Variants in OCA2 observed in about 807,000 individuals in gnomAD.
The protein encoded by OCA2 is OCA2 melanosomal transmembrane protein, also known as P protein.
In OCA2, 77 loss-of-function variants were observed where a neutral mutation model predicts 100.2. The ratio of observed to expected loss-of-function variants is 0.77; its 90% CI spans 0.64 to 0.93. OCA2 has a LOEUF of 0.93. Ranked by LOEUF, OCA2 falls within the 40% of genes least tolerant of loss-of-function variation. The probability of loss-of-function intolerance (pLI) is 0.00; values close to 1 mark genes in which losing one functional copy is unlikely to be tolerated. For missense variants in OCA2, 1,062 were observed against 1,089.1 expected (o/e 0.98, Z 0.35); for synonymous variants, 432 against 439.2 (o/e 0.98, Z 0.21).
intron 18 of OCA2, among the ~76,000 whole-genome samples, chr15:27,934,219 C>T (rs906827007): frequency 6.6e-6 from 1 of 152,088 alleles, no homozygotes; most frequent in African/African-American, 2.4e-5. Context: ...ATGTGAAGGG[C>T]AGACCATGTT....
At chr15:27,967,152 C>T (rs1346270104) in intron 14 of OCA2, among the ~76,000 whole-genome samples, 3 of 151,968 alleles carry the variant, frequency 2.0e-5, no homozygotes, top group Admixed American at 2.0e-4. Context: ...CAAAAAGAAA[C>T]GGAAGACGGG....
chr15:27,966,724 T>C lies in OCA2; in HGVS notation c.1602A>G (p.Arg534=), dbSNP rs751837471. The C allele has an allele frequency of 6.2e-7, 1 of 1,614,058 alleles. No homozygotes were observed. ...CACTGGGTTCCTTGTTATAAAGCTT[T>C]CTGTTCCAGTAAAGGAGTCTGAGGA... is the stretch of plus-strand genomic sequence containing the variant. ...FPLLRLLYWN[R]KLYNKEPSEI... The change falls in exon 15 of 24, where the codon AGA becomes AGG. Residue 534 remains arginine (R), a synonymous_variant. Coordinates refer to ENST00000354638, the MANE Select transcript of OCA2 (RefSeq NM_000275.3).
At chr15:27,896,551 T>G (rs994763105) in intron 19 of OCA2, 1 of 403,922 alleles carries the variant, frequency 2.5e-6, no homozygotes, top group African/African-American at 2.1e-5. Context: ...GCAAGCTTCC[T>G]CAGAGCTCAG....
chr15:27,869,198 G>A (rs757795309), intron 21 of OCA2, among the ~76,000 whole-genome samples: 2 of 152,344 alleles, frequency 1.3e-5, no homozygotes, highest in South Asian at 2.1e-4. Flanking sequence ...CCCTGTGGCT[G>A]CTGTGGTCAT....
chr15:27,828,231 G>A (rs1479928946), intron 23 of OCA2, among the ~76,000 whole-genome samples: 1 of 152,140 alleles, frequency 6.6e-6, no homozygotes, highest in Non-Finnish European at 1.5e-5. Flanking sequence ...GCCCTCTTTG[G>A]AAGGGCTCGC....
intron 21 of OCA2, among the ~76,000 whole-genome samples, chr15:27,860,336 C>T (rs1595530321): frequency 1.3e-5 from 2 of 152,180 alleles, no homozygotes; most frequent in South Asian, 4.1e-4. Flanking sequence ...AGCACACCTG[C>T]AGGTTTGTTA....
intron 1 of OCA2, among the ~76,000 whole-genome samples, chr15:28,082,833 GAATAT>G (rs2044693222): frequency 6.6e-6 from 1 of 151,146 alleles, no homozygotes; most frequent in African/African-American, 2.5e-5. Flanking sequence ...ATTCTGGTGA[GAATAT>G]AATAATACCT....
intron 23 of OCA2, among the ~76,000 whole-genome samples, chr15:27,806,288 T>G (rs1566978089): frequency 6.6e-6 from 1 of 152,222 alleles, no homozygotes; most frequent in African/African-American, 2.4e-5. Context: ...TAGTTGTTTT[T>G]CATTGTGCTT....
At chr15:27,742,026 A>T in the OCA2 span, among the ~76,000 whole-genome samples, 7 of 152,216 alleles carry the variant, frequency 4.6e-5, no homozygotes, top group Admixed American at 1.3e-4. Flanking sequence ...TGCTGAAAAT[A>T]ATGGTTTTAG....
intron 23 of OCA2, among the ~76,000 whole-genome samples, chr15:27,819,442 G>GAC (rs1595462550): frequency 6.6e-6 from 1 of 152,234 alleles, no homozygotes; most frequent in Non-Finnish European, 1.5e-5. Flanking sequence ...CAAGGGAGAA[G>GAC]TAACTGTACA....
chr15:27,950,880 T>A (rs2040003032), intron 18 of OCA2, among the ~76,000 whole-genome samples: 1 of 152,230 alleles, frequency 6.6e-6, no homozygotes, highest in East Asian at 1.9e-4. Flanking sequence ...ACCAAGGTTT[T>A]ATACAAAATA....
intron 21 of OCA2, among the ~76,000 whole-genome samples, chr15:27,856,771 AGTCT>A (rs2035964852): frequency 6.6e-6 from 1 of 152,114 alleles, no homozygotes; most frequent in African/African-American, 2.4e-5. Flanking sequence ...AATCTTTGTC[AGTCT>A]ACTAGTTGAC....
intron 21 of OCA2, among the ~76,000 whole-genome samples, chr15:27,866,884 A>T (rs562358982): frequency 5.3e-5 from 8 of 152,200 alleles, no homozygotes; most frequent in Non-Finnish European, 1.0e-4. Context: ...CCAATCAGAC[A>T]CACCTGCTCC....
Position 27,765,741 on chromosome 15 carries a change from G to A in OCA2, c.2433-10269C>T, listed in dbSNP as rs2031206518. ...CCAGGTCATCTGCATCCTGTTATTG[G>A]GCTTCAAGAATAATAAGCCCGACCC... is the stretch of plus-strand genomic sequence containing the variant. On this transcript the variant is annotated intron_variant, in intron 23 of 23. Coordinates refer to ENST00000354638, the MANE Select transcript of OCA2 (RefSeq NM_000275.3). Among the ~76,000 whole-genome samples, 6 of 152,072 alleles carry A rather than the reference G, an allele frequency of 3.9e-5. No individual in the cohort carries two copies. In the South Asian group the frequency reaches 1.2e-3, roughly 32 times the overall value.
At chr15:27,793,883 G>A (rs533191938) in intron 23 of OCA2, among the ~76,000 whole-genome samples, 113 of 152,274 alleles carry the variant, frequency 7.4e-4, no homozygotes, top group African/African-American at 2.6e-3. Context: ...GTGAATGGAC[G>A]TGCCCACCAC....
intron 18 of OCA2, among the ~76,000 whole-genome samples, chr15:27,947,394 C>G (rs2039877364): frequency 6.6e-6 from 1 of 152,310 alleles, no homozygotes; most frequent in South Asian, 2.1e-4. Flanking sequence ...CACCTCTTTA[C>G]CGGATGGGTG....
intron 23 of OCA2, among the ~76,000 whole-genome samples, chr15:27,807,613 A>T (rs762040302): frequency 1.3e-5 from 2 of 152,062 alleles, no homozygotes; most frequent in Non-Finnish European, 2.9e-5. Context: ...CTAACAAATT[A>T]TGGCCTGGAG....
At chr15:27,831,999 GC>G (rs2034978182) in intron 23 of OCA2, among the ~76,000 whole-genome samples, 2 of 151,450 alleles carry the variant, frequency 1.3e-5, no homozygotes, top group Admixed American at 1.3e-4. Context: ...CTCTCCCTGA[GC>G]ATTCACCACC....
chr15:28,036,421 T>C (rs2141418982), intron 2 of OCA2, among the ~76,000 whole-genome samples: 1 of 152,308 alleles, frequency 6.6e-6, no homozygotes, highest in Admixed American at 6.5e-5. Context: ...CTATCCCCAC[T>C]AGTCCTCGGT....
Sources: gnomAD v4.1 joint callset for allele counts (sites outside exome capture counted in the v4.1 genomes callset) on GRCh38, gnomAD v4.1.1 for gene constraint, MANE v1.5 for transcripts, NCBI Gene and HGNC (gene_info 2026-07-23, HGNC 2026-07-21) for gene names.